RPP14: variants seen among roughly 807,000 people sequenced by gnomAD.
RPP14 encodes ribonuclease P/MRP subunit p14.
RPP14 carries 19 observed loss-of-function variants against 17.8 expected under a neutral mutation model. The ratio of observed to expected loss-of-function variants is 1.07; its 90% confidence interval spans 0.74 to 1.57. The LOEUF (loss-of-function observed/expected upper bound fraction) is 1.57. RPP14 is among the 40% of genes most tolerant of loss of function. The pLI is 0.00. For synonymous variants in RPP14, 60 were observed against 56.4 expected (o/e 1.06, Z -0.29); for missense variants, 125 against 140.8 (o/e 0.89, Z 0.57).
chr3:58,318,315 G>A lies in RPP14; in HGVS notation c.*819G>A, dbSNP rs768906153. 1 of 463,016 alleles carries A rather than the reference G, an allele frequency of 2.2e-6. No homozygotes were observed. The highest frequency in any genetic ancestry group is 2.0e-5 in the African/African-American group (1 of 49,772). 28.7% of individuals were successfully genotyped at this position (463,016 alleles called of 1,614,324 possible). On this transcript the variant is annotated 3_prime_UTR_variant, in exon 6 of 6. Transcript: ENST00000295959. ...ATGCTTCATGCAGACTTGAGTGTAT[G>A]CAGGATTTCATTATCTGCCTGGGTT...
In RPP14 at chr3:58,319,005, AAG is replaced by A. The variant is rs2097491551; in HGVS notation, c.*1511_*1512del. On this transcript the variant is annotated 3_prime_UTR_variant, in exon 6 of 6. Coordinates refer to ENST00000295959, the MANE Select transcript of RPP14 (RefSeq NM_007042.6). ...AAAACTCCACCTCAAAAAAAAAAAAAAGATTCTACTTTTAGAAATTCAGACCT... is the reference window on the plus strand; with the variant it reads ...AAAACTCCACCTCAAAAAAAAAAAAAATTCTACTTTTAGAAATTCAGACCT... The A allele has an allele frequency of 6.6e-6, 1 of 152,160 alleles. No homozygotes were observed. The highest frequency in any genetic ancestry group is 2.4e-5 in the African/African-American group (1 of 41,438). The allele number at this position is 152,160 out of a possible 1,614,324, so 9.4% of individuals were successfully genotyped here. A position where few individuals can be genotyped will look rare whatever the true frequency, so the allele number is the denominator to read the frequency against.
chr3:58,314,770 C>T (rs552234523), intron 3 of RPP14, among the ~76,000 whole-genome samples: 19 of 150,314 alleles, frequency 1.3e-4, no homozygotes, highest in East Asian at 3.9e-4. Context: ...CTGCAACCTC[C>T]GCCTCCCAGG....
chr3:58,316,487 C>T (rs759365065), intron 3 of RPP14, 28 bp from the exon 4 acceptor site: 3 of 1,588,718 alleles, frequency 1.9e-6, no homozygotes, highest in East Asian at 2.2e-5. Context: ...GTGAGAATAG[C>T]CTGCTAATAG....
rs2097492112 is a variant in RPP14, at chr3:58,319,433, A to G, written c.*1937A>G. 6.6e-6 allele frequency: 1 copy of G among 152,174 alleles called. No individual in the cohort carries two copies. Among genetic ancestry groups the G allele is most frequent in the African/African-American group, 2.4e-5 (1 of 41,444 alleles). 9.4% of individuals were successfully genotyped at this position (152,174 alleles called of 1,614,324 possible). ...GCAGTAGCTACTATTATTGTTGCCCATTTCCCCTGCAACTGAGGTGAGAGG... is the reference window on the plus strand; with the variant it reads ...GCAGTAGCTACTATTATTGTTGCCCGTTTCCCCTGCAACTGAGGTGAGAGG... On this transcript the variant is annotated 3_prime_UTR_variant, in exon 6 of 6. Coordinates refer to ENST00000295959, the MANE Select transcript of RPP14 (RefSeq NM_007042.6).
chr3:58,317,003 A>G lies in RPP14; in HGVS notation c.318+10A>G, dbSNP rs2097489010. The G allele has an allele frequency of 6.3e-7, 1 of 1,596,354 alleles. No homozygotes were observed. Among genetic ancestry groups the G allele is most frequent in the Non-Finnish European group, 8.6e-7 (1 of 1,164,548 alleles). On this transcript the variant is annotated intron_variant, in intron 5 of 5. Transcript: ENST00000295959. ...TTTCCGGGTGATTCAGGTAAAGACT[A>G]TTCCCTCACATATTCCAAACAAGAC... is the stretch of plus-strand genomic sequence containing the variant.
intron 1 of RPP14, among the ~76,000 whole-genome samples, chr3:58,309,510 TA>T (rs2097479760): frequency 6.6e-6 from 1 of 152,218 alleles, no homozygotes; most frequent in Non-Finnish European, 1.5e-5. Context: ...ATTTGACATT[TA>T]TAGAATATAG....
intron 3 of RPP14, among the ~76,000 whole-genome samples, chr3:58,314,212 G>C (rs1315905679): frequency 6.6e-6 from 1 of 152,148 alleles, no homozygotes; most frequent in Non-Finnish European, 1.5e-5. Context: ...CTAGCCGGGC[G>C]TGGTGGCACA....
chr3:58,318,149 A>G lies in RPP14; in HGVS notation c.*653A>G, dbSNP rs1451947755. Reference sequence around the variant, plus strand: ...AGATGTTTTAAAGATGCAACCTCAAACACCAATGCTGTTGTTAAAGAGCCT... The same window carrying G: ...AGATGTTTTAAAGATGCAACCTCAAGCACCAATGCTGTTGTTAAAGAGCCT... On this transcript the variant is annotated 3_prime_UTR_variant, in exon 6 of 6. Transcript: ENST00000295959. The G allele has an allele frequency of 8.1e-6, 5 of 618,550 alleles. No homozygotes were observed. Among genetic ancestry groups the G allele is most frequent in the Non-Finnish European group, 1.4e-5 (5 of 349,204 alleles). 38.3% of individuals were successfully genotyped at this position (618,550 alleles called of 1,614,324 possible). A position where few individuals can be genotyped will look rare whatever the true frequency, so the allele number is the denominator to read the frequency against.
intron 1 of RPP14, 62 bp downstream of exon 1, chr3:58,306,479 C>T (rs754265412): frequency 1.6e-4 from 25 of 152,332 alleles, no homozygotes; most frequent in Non-Finnish European, 2.9e-4. Context: ...GGCCGCGACC[C>T]GGGCGCATGC....
chr3:58,307,067 A>G (rs989441321), intron 1 of RPP14, among the ~76,000 whole-genome samples: 2 of 152,176 alleles, frequency 1.3e-5, no homozygotes, highest in Non-Finnish European at 2.9e-5. Flanking sequence ...CTTTCCCAGC[A>G]TGGGGAAAAG....
At chr3:58,313,047 A>C (rs2097484103) in intron 3 of RPP14, among the ~76,000 whole-genome samples, 2 of 151,800 alleles carry the variant, frequency 1.3e-5, no homozygotes, top group African/African-American at 4.8e-5. Flanking sequence ...GCAGATCCCA[A>C]GGTCAGCCGA....
chr3:58,308,244 T>C (rs2097477830), intron 1 of RPP14, among the ~76,000 whole-genome samples: 1 of 152,152 alleles, frequency 6.6e-6, no homozygotes, highest in African/African-American at 2.4e-5. Context: ...CACTTTTCTC[T>C]CATTTGAATA....
intron 3 of RPP14, 27 bp downstream of exon 3, chr3:58,310,618 A>T (rs752075406): frequency 7.7e-6 from 12 of 1,568,074 alleles, no homozygotes; most frequent in Non-Finnish European, 1.0e-5. Context: ...TAGATTGAAC[A>T]TTCCAAAGAT....
Position 58,310,302 on chromosome 3 carries a change from A to G in RPP14, c.-21-7A>G, listed in dbSNP as rs1246578853. On this transcript the variant is annotated splice_polypyrimidine_tract_variant and splice_region_variant and intron_variant, in intron 1 of 5. Transcript: ENST00000295959. ...TGGTCATTTCTAGCCCTCTTGACTT[A>G]CTGTAGGTGTGATCAGCACTGGAAA... is the stretch of plus-strand genomic sequence containing the variant. 6.2e-7 allele frequency: 1 copy of G among 1,603,338 alleles called. No individual in the cohort carries two copies. Among genetic ancestry groups the G allele is most frequent in the Non-Finnish European group, 8.5e-7 (1 of 1,170,568 alleles).
chr3:58,312,689 A>C (rs2107504223), intron 3 of RPP14, among the ~76,000 whole-genome samples: 1 of 152,246 alleles, frequency 6.6e-6, no homozygotes, highest in South Asian at 2.1e-4. Flanking sequence ...GGCCAGGCGC[A>C]GTGGCTCACT....
At chr3:58,315,103 T>C (rs998661772) in intron 3 of RPP14, among the ~76,000 whole-genome samples, 2 of 152,276 alleles carry the variant, frequency 1.3e-5, no homozygotes, top group Admixed American at 6.5e-5. Context: ...ACATGAATAT[T>C]CATAGCAGCT....
At chr3:58,315,009 G>A (rs576005367) in intron 3 of RPP14, among the ~76,000 whole-genome samples, 4 of 152,086 alleles carry the variant, frequency 2.6e-5, no homozygotes, top group Non-Finnish European at 5.9e-5. Context: ...CAAACTAAAC[G>A]TGCATCTGCC....
rs1423058980 is a variant in RPP14 at position 58,310,422 on chromosome 3, T to G, written c.77+16T>G. 6.2e-7 allele frequency: 1 copy of G among 1,612,892 alleles called. No individual in the cohort carries two copies. Among genetic ancestry groups the G allele is most frequent in the Admixed American group, 1.7e-5 (1 of 59,996 alleles). On this transcript the variant is annotated intron_variant, in intron 2 of 5. Transcript: ENST00000295959. ...AAGTCTGCCTGTAAGTTTAGTTTCC[T>G]AAGTTCTATTTTAGATTACTTTTCT...
intron 4 of RPP14, 56 bp from the exon 5 acceptor site, chr3:58,316,859 A>T (rs17059171): frequency 7.1e-7 from 1 of 1,400,958 alleles, no homozygotes. Context: ...CCTTAGTTGA[A>T]GTTCATTTTG....
Sources: gnomAD v4.1 joint callset for allele counts (sites outside exome capture counted in the v4.1 genomes callset) on GRCh38, gnomAD v4.1.1 for gene constraint, MANE v1.5 for transcripts, NCBI Gene and HGNC (gene_info 2026-07-23, HGNC 2026-07-21) for gene names.